Variants in SAMD12 observed in about 807,000 individuals in gnomAD.
The protein encoded by SAMD12 is sterile alpha motif domain-containing protein 12.
In SAMD12, 9 loss-of-function variants were observed where a neutral mutation model predicts 15.0. That is an observed-to-expected ratio of 0.60 (90% CI 0.36 to 1.05). SAMD12 has a LOEUF of 1.05. Among genes scored for constraint, SAMD12 ranks in the 50% least tolerant of loss-of-function variants. The pLI is 0.01. For synonymous variants in SAMD12, 86 were observed against 90.1 expected, an observed-to-expected ratio of 0.96 and a Z score of 0.25; for missense variants, 230 against 234.2, an observed-to-expected ratio of 0.98 and a Z score of 0.12.
chr8:118,539,943 T>C (rs1825944639), intron 2 of SAMD12, among the ~76,000 whole-genome samples: 1 of 152,192 alleles, frequency 6.6e-6, no homozygotes, highest in African/African-American at 2.4e-5. Flanking sequence ...ATTCAACAAA[T>C]ATTTACTACA....
intron 2 of SAMD12, among the ~76,000 whole-genome samples, chr8:118,506,177 T>A (rs1824915110): frequency 6.6e-6 from 1 of 152,222 alleles, no homozygotes; most frequent in Non-Finnish European, 1.5e-5. Context: ...GCTTTGAAGG[T>A]CAGCAGCCTG....
chr8:118,188,533 T>C (rs1468216523), downstream of SAMD12, among the ~76,000 whole-genome samples: 1 of 152,202 alleles, frequency 6.6e-6, no homozygotes, highest in Non-Finnish European at 1.5e-5. Flanking sequence ...ACAGTAAGCA[T>C]GTAATAAAAA....
intron 3 of SAMD12, among the ~76,000 whole-genome samples, chr8:118,390,969 T>C (rs1325540243): frequency 6.6e-6 from 1 of 152,152 alleles, no homozygotes; most frequent in Non-Finnish European, 1.5e-5. Context: ...ACCTGAAATA[T>C]AAATTCAGAA....
chr8:118,365,397 C>T (rs1311711598), intron 4 of SAMD12, among the ~76,000 whole-genome samples: 2 of 152,180 alleles, frequency 1.3e-5, no homozygotes, highest in Non-Finnish European at 2.9e-5. Flanking sequence ...GAGCTGCCCT[C>T]ACCCATGTAG....
chr8:118,165,463 C>T, the SAMD12 span, among the ~76,000 whole-genome samples: 1 of 151,728 alleles, frequency 6.6e-6, no homozygotes, highest in East Asian at 1.9e-4. Context: ...ACCATGTTGG[C>T]TAGACTGGTC....
chr8:118,323,685 C>T (rs1052651918), intron 4 of SAMD12, among the ~76,000 whole-genome samples: 3 of 152,268 alleles, frequency 2.0e-5, no homozygotes, highest in Non-Finnish European at 4.4e-5. Flanking sequence ...GGGAGGATCA[C>T]TTGAACCTGG....
intron 2 of SAMD12, among the ~76,000 whole-genome samples, chr8:118,480,331 C>G (rs1180151416): frequency 6.6e-6 from 1 of 152,192 alleles, no homozygotes; most frequent in Non-Finnish European, 1.5e-5. Context: ...CTTTAGCACT[C>G]CTTGCTACTC....
intron 4 of SAMD12, among the ~76,000 whole-genome samples, chr8:118,283,981 T>A (rs1159652459): frequency 6.6e-6 from 1 of 152,182 alleles, no homozygotes; most frequent in Non-Finnish European, 1.5e-5. Context: ...ATAAACTGTA[T>A]CACATTCTAG....
intron 4 of SAMD12, among the ~76,000 whole-genome samples, chr8:118,332,747 C>T (rs186426798): frequency 9.8e-5 from 15 of 152,340 alleles, no homozygotes; most frequent in Admixed American, 5.9e-4. Context: ...TTTCTCTCTA[C>T]TTCGGTCTTA....
chr8:118,512,745 C>T (rs1825122096), intron 2 of SAMD12, among the ~76,000 whole-genome samples: 1 of 152,184 alleles, frequency 6.6e-6, no homozygotes, highest in African/African-American at 2.4e-5. Flanking sequence ...CCTTTTGTGC[C>T]TCTTTGACAT....
the SAMD12 span, among the ~76,000 whole-genome samples, chr8:118,153,316 A>T: frequency 1.2e-5 from 1 of 83,610 alleles, no homozygotes; most frequent in African/African-American, 3.9e-5. Flanking sequence ...GAAGAGCCAA[A>T]GGGCAAGCCC....
intron 4 of SAMD12, among the ~76,000 whole-genome samples, chr8:118,245,876 A>G (rs1028863860): frequency 6.6e-6 from 1 of 152,126 alleles, no homozygotes; most frequent in Admixed American, 6.6e-5. Flanking sequence ...GATTGAGAAA[A>G]TGTAACCTAG....
At chr8:118,308,720 T>A (rs1294651239) in intron 4 of SAMD12, among the ~76,000 whole-genome samples, 1 of 152,146 alleles carries the variant, frequency 6.6e-6, no homozygotes, top group Non-Finnish European at 1.5e-5. Flanking sequence ...ATGACTTTTT[T>A]TTTTTACTTT....
intron 4 of SAMD12, among the ~76,000 whole-genome samples, chr8:118,332,801 C>T (rs769214178): frequency 6.6e-6 from 1 of 152,192 alleles, no homozygotes; most frequent in African/African-American, 2.4e-5. Context: ...TCCAGCCATA[C>T]CAAACAAGTC....
chr8:118,133,614 G>A, the SAMD12 span, among the ~76,000 whole-genome samples: 1 of 152,042 alleles, frequency 6.6e-6, no homozygotes, highest in African/African-American at 2.4e-5. Flanking sequence ...TTTAGATTAT[G>A]AATTCTTTAA....
At chr8:118,554,705 A>T (rs1052097680) in intron 2 of SAMD12, among the ~76,000 whole-genome samples, 1 of 152,046 alleles carries the variant, frequency 6.6e-6, no homozygotes. Context: ...AAAAAAAAAA[A>T]TCTACAACCA....
At chr8:118,578,239 T>C (rs889110953) in intron 2 of SAMD12, among the ~76,000 whole-genome samples, 9 of 152,192 alleles carry the variant, frequency 5.9e-5, no homozygotes, top group African/African-American at 2.2e-4. Context: ...AAAAATTATA[T>C]CCCATTGCAT....
the SAMD12 span, among the ~76,000 whole-genome samples, chr8:118,158,397 G>A: frequency 6.6e-6 from 1 of 152,230 alleles, no homozygotes; most frequent in Admixed American, 6.5e-5. Flanking sequence ...GGTGCTGCCA[G>A]GATGGCAAGT....
chr8:118,342,148 C>T (rs1453087668), intron 4 of SAMD12, among the ~76,000 whole-genome samples: 1 of 152,072 alleles, frequency 6.6e-6, no homozygotes, highest in Non-Finnish European at 1.5e-5. Context: ...AAAAATTAGC[C>T]AGGCTTGGTG....
Sources: gnomAD v4.1 joint callset for allele counts (sites outside exome capture counted in the v4.1 genomes callset) on GRCh38, gnomAD v4.1.1 for gene constraint, MANE v1.5 for transcripts, NCBI Gene and HGNC (gene_info 2026-07-23, HGNC 2026-07-21) for gene names.